The following FBN1 variants were observed in gnomAD, a reference collection of about 807,000 sequenced individuals.
The protein encoded by FBN1 is fibrillin-1.
A neutral mutation model predicts 365.1 loss-of-function variants in FBN1; 29 were observed. The ratio of observed to expected loss-of-function variants is 0.08; its 90% CI spans 0.06 to 0.11. FBN1 has a LOEUF of 0.11. FBN1 is among the 10% of genes least tolerant of loss of function. FBN1 has a pLI of 1.00. For synonymous variants in FBN1, 1,210 were observed against 1,270.5 expected (o/e 0.95, Z 1.01); for missense variants, 2,476 against 3,703.2 (o/e 0.67, Z 8.60).
rs1597631751 is a variant in FBN1, at chr15:48,610,830, T to C, written c.248-4A>G. The C allele has an allele frequency of 6.2e-7, 1 of 1,612,964 alleles. No individual in the cohort carries two copies. On this transcript the variant is annotated splice_polypyrimidine_tract_variant and splice_region_variant and intron_variant, in intron 3 of 65. Transcript: ENST00000316623. Reference sequence around the variant, plus strand: ...CCACAGGAATGCCGGCAAATGGCTGTGAATAAACCAGAGGTCTGTTAGCAC... The same window carrying C: ...CCACAGGAATGCCGGCAAATGGCTGCGAATAAACCAGAGGTCTGTTAGCAC...
rs144220225 is a variant in FBN1, at chr15:48,598,803, G to C, written c.442+1336C>G. ...CTTCTCCCACTGCAGTGTGTGGATG[G>C]TGATACAGTTTGGCTGTGTCACCAC... is the stretch of plus-strand genomic sequence containing the variant. On this transcript the variant is annotated intron_variant, in intron 5 of 65. Transcript: ENST00000316623. 1.8e-4 allele frequency among the ~76,000 whole-genome samples: 28 copies of C among 152,274 alleles called. No individual in the cohort carries two copies. The East Asian group carries it at 3.9e-3, about 21-fold the overall frequency.
chr15:48,439,045 T>G (rs189670549), intron 50 of FBN1, among the ~76,000 whole-genome samples: 24 of 152,310 alleles, frequency 1.6e-4, no homozygotes, highest in African/African-American at 5.3e-4. Context: ...AACCATACTA[T>G]CATAACCACC....
At chr15:48,503,685 T>C in intron 17 of FBN1, 102 bp downstream of exon 17, 3 of 1,523,166 alleles carry the variant, frequency 2.0e-6, no homozygotes, top group South Asian at 2.3e-5. Context: ...ATGGCGTACC[T>C]GGAGAGCAAA....
intron 17 of FBN1, among the ~76,000 whole-genome samples, chr15:48,503,273 G>C (rs2043677041): frequency 6.8e-6 from 1 of 146,810 alleles, no homozygotes; most frequent in African/African-American, 2.5e-5. Context: ...CTCCAGCCTG[G>C]GCAACAGGGC....
chr15:48,521,823 A>G (rs1409024140), intron 9 of FBN1, among the ~76,000 whole-genome samples: 1 of 152,258 alleles, frequency 6.6e-6, no homozygotes, highest in Non-Finnish European at 1.5e-5. Flanking sequence ...TTTGAAAAGC[A>G]AATAATATCG....
At chr15:48,606,997 G>C (rs1306108710) in intron 4 of FBN1, among the ~76,000 whole-genome samples, 1 of 152,046 alleles carries the variant, frequency 6.6e-6, no homozygotes, top group Non-Finnish European at 1.5e-5. Flanking sequence ...TTCCACCATG[G>C]GATGGCCCTC....
chr15:48,606,411 TAAC>T (rs2044610313), intron 4 of FBN1, among the ~76,000 whole-genome samples: 1 of 152,166 alleles, frequency 6.6e-6, no homozygotes, highest in Non-Finnish European at 1.5e-5. Context: ...CAATAAAAGA[TAAC>T]AAGCTGTTCA....
At chr15:48,612,884 A>G in intron 3 of FBN1, 126 bp downstream of exon 3, 1 of 786,424 alleles carries the variant, frequency 1.3e-6, no homozygotes, top group East Asian at 2.5e-5. Flanking sequence ...AAAAGTCTTA[A>G]AGCTGGAAGG....
chr15:48,410,230 C>A lies in FBN1; in HGVS notation c.*760G>T, dbSNP rs1413680758. On this transcript the variant is annotated 3_prime_UTR_variant, in exon 66 of 66. Transcript: ENST00000316623. Reference sequence around the variant, plus strand: ...CACTGAGGCTGTTTCCTGGTCCTCCCAGACCTCTATGCACGTGTGGGCCAG... The same window carrying A: ...CACTGAGGCTGTTTCCTGGTCCTCCAAGACCTCTATGCACGTGTGGGCCAG... The A allele has an allele frequency of 1.3e-5, 2 of 152,658 alleles. No homozygotes were observed. Among genetic ancestry groups the A allele is most frequent in the African/African-American group, 4.8e-5 (2 of 41,446 alleles). The allele number at this position is 152,658 out of a possible 1,614,324, so 9.5% of individuals were successfully genotyped here. A position where few individuals can be genotyped will look rare whatever the true frequency, so the allele number is the denominator to read the frequency against.
At position 48,526,711 on chromosome 15, in the gene FBN1, T is replaced by C. The variant is rs143594551; in HGVS notation, c.863-456A>G. Among the ~76,000 whole-genome samples, 219 of 152,288 alleles carry C rather than the reference T, an allele frequency of 1.4e-3. 4 individuals carry two copies. The East Asian group carries it at 0.042, about 29-fold the overall frequency. The stretch of plus-strand genomic sequence containing the variant: ...TACTGGAATCCTACAGAAGAGATCT[T>C]GTGGTCTGAGTGCTGATCCCAACTT... On this transcript the variant is annotated intron_variant, in intron 8 of 65. Coordinates refer to ENST00000316623, the MANE Select transcript of FBN1 (RefSeq NM_000138.5).
At chr15:48,436,376 T>C (rs899367997) in intron 53 of FBN1, among the ~76,000 whole-genome samples, 8 of 152,186 alleles carry the variant, frequency 5.3e-5, no homozygotes, top group African/African-American at 1.9e-4. Context: ...TCAGCATTTA[T>C]GCTAGTATTA....
At chr15:48,492,211 G>A (rs917253944) in intron 24 of FBN1, among the ~76,000 whole-genome samples, 2 of 152,132 alleles carry the variant, frequency 1.3e-5, no homozygotes, top group Non-Finnish European at 1.5e-5. Context: ...ATATGGGGCC[G>A]ATTTAAGAGC....
chr15:48,492,816 T>C (rs923877351), intron 23 of FBN1, among the ~76,000 whole-genome samples: 4 of 152,156 alleles, frequency 2.6e-5, no homozygotes, highest in African/African-American at 7.2e-5. Context: ...GGAATAACTT[T>C]TGAGTTGTAG....
chr15:48,459,102 C>A (rs1300387782), intron 43 of FBN1, among the ~76,000 whole-genome samples: 3 of 152,230 alleles, frequency 2.0e-5, no homozygotes, highest in African/African-American at 7.2e-5. Flanking sequence ...TGAAGCCTTT[C>A]CAGCTCTCCT....
chr15:48,510,297 C>A, intron 13 of FBN1, 128 bp from the exon 14 acceptor site: 1 of 856,494 alleles, frequency 1.2e-6, no homozygotes, highest in Non-Finnish European at 1.8e-6. Flanking sequence ...TAATATTCTC[C>A]AACATAAATT....
At chr15:48,440,934 A>T (rs1055328795) in intron 50 of FBN1, among the ~76,000 whole-genome samples, 9 of 151,532 alleles carry the variant, frequency 5.9e-5, no homozygotes, top group Admixed American at 6.6e-5. Context: ...ACATCAAAAC[A>T]ACAGTAACAA....
At chr15:48,500,967 C>A (rs1167516774) in intron 17 of FBN1, among the ~76,000 whole-genome samples, 1 of 152,206 alleles carries the variant, frequency 6.6e-6, no homozygotes, top group Non-Finnish European at 1.5e-5. Flanking sequence ...AGCCTACCCC[C>A]CATTCTTGAA....
rs577921251 is a variant in FBN1, at chr15:48,442,560, T to C, written c.6038-714A>G. On this transcript the variant is annotated intron_variant, in intron 49 of 65. Coordinates refer to ENST00000316623, the MANE Select transcript of FBN1 (RefSeq NM_000138.5). ...CATGTTTTCTTTAGTATATTATACA[T>C]CTTAGCTCCTGTACAGTGGTAGTTA... 1.6e-4 allele frequency among the ~76,000 whole-genome samples: 25 copies of C among 152,328 alleles called. No homozygotes were observed. The South Asian group carries it at 5.2e-3, about 32-fold the overall frequency.
chr15:48,615,239 T>C lies in FBN1; in HGVS notation c.165-2147A>G, dbSNP rs73394288. Among the ~76,000 whole-genome samples the C allele has an allele frequency of 7.6e-3, 1,153 of 152,296 alleles. 14 individuals are homozygous for C. The highest frequency in any genetic ancestry group is 0.027 in the African/African-American group (1,109 of 41,576). ...TCCTGGAATAGTGTCAGAGCACTCC[T>C]GAGCCTTTGCAGGGTGCCCTGTGGT... On this transcript the variant is annotated intron_variant, in intron 2 of 65. Transcript: ENST00000316623.
Sources: allele counts gnomAD v4.1 joint callset (sites outside exome capture counted in the v4.1 genomes callset), GRCh38; gene constraint gnomAD v4.1.1; transcripts MANE v1.5; gene names NCBI Gene and HGNC (gene_info 2026-07-23, HGNC 2026-07-21).